The following INPP4B variants were observed in gnomAD, a reference collection of about 807,000 sequenced individuals.
INPP4B encodes inositol polyphosphate-4-phosphatase type II B.
Under a neutral mutation model 122.5 loss-of-function variants are expected in INPP4B, and 55 were observed. The observed-to-expected ratio is 0.45, with a 90% CI of 0.36 to 0.56. INPP4B has a LOEUF of 0.56. INPP4B is among the 20% of genes least tolerant of loss of function. The pLI is 0.00. For synonymous variants in INPP4B, 403 were observed against 388.7 expected (o/e 1.04, Z -0.43); for missense variants, 1,000 against 1,097.7 (o/e 0.91, Z 1.26).
chr4:142,825,508 A>T (rs1781350258), intron 1 of INPP4B, among the ~76,000 whole-genome samples: 1 of 152,166 alleles, frequency 6.6e-6, no homozygotes, highest in Admixed American at 6.6e-5. Context: ...ATATCATTGA[A>T]AATCAAACAG....
chr4:142,071,924 T>C (rs1767642664), intron 25 of INPP4B, among the ~76,000 whole-genome samples: 1 of 152,164 alleles, frequency 6.6e-6, no homozygotes, highest in Non-Finnish European at 1.5e-5. Context: ...TGGAAGACAG[T>C]GTGGTGATTC....
chr4:142,250,613 A>G (rs1402679002), intron 11 of INPP4B, among the ~76,000 whole-genome samples: 1 of 152,240 alleles, frequency 6.6e-6, no homozygotes, highest in Non-Finnish European at 1.5e-5. Context: ...TGCACAATGC[A>G]CCTTTATATT....
chr4:142,107,644 T>C (rs566015556), intron 23 of INPP4B, among the ~76,000 whole-genome samples: 3 of 152,286 alleles, frequency 2.0e-5, no homozygotes, highest in South Asian at 4.1e-4. Context: ...AGTTCCCTCA[T>C]TCACATTGAC....
At chr4:142,424,846 G>A (rs1243443411) in intron 5 of INPP4B, among the ~76,000 whole-genome samples, 4 of 151,812 alleles carry the variant, frequency 2.6e-5, no homozygotes, top group Non-Finnish European at 4.4e-5. Flanking sequence ...TATGATGGAT[G>A]GCCACATTCT....
chr4:142,089,085 T>C (rs1778199371), intron 23 of INPP4B, among the ~76,000 whole-genome samples: 2 of 152,136 alleles, frequency 1.3e-5, no homozygotes, highest in Admixed American at 6.5e-5. Flanking sequence ...AAACACGGAG[T>C]GTGCAGTTCA....
intron 2 of INPP4B, among the ~76,000 whole-genome samples, chr4:142,652,888 A>G (rs1359535752): frequency 6.6e-6 from 1 of 152,248 alleles, no homozygotes; most frequent in Non-Finnish European, 1.5e-5. Flanking sequence ...GAACCAAAAA[A>G]GAGCCTGCAT....
chr4:142,084,366 G>T (rs532367536), intron 24 of INPP4B, among the ~76,000 whole-genome samples: 1 of 151,942 alleles, frequency 6.6e-6, no homozygotes, highest in Non-Finnish European at 1.5e-5. Flanking sequence ...TGATCCGCCC[G>T]CCTCGGCCCC....
At chr4:142,427,859 C>G (rs1046130051) in intron 5 of INPP4B, among the ~76,000 whole-genome samples, 1 of 151,848 alleles carries the variant, frequency 6.6e-6, no homozygotes, top group Admixed American at 6.6e-5. Flanking sequence ...GAGTGCCTAG[C>G]CTTTCTTTTG....
At chr4:142,603,778 C>T (rs1003476117) in intron 2 of INPP4B, among the ~76,000 whole-genome samples, 1 of 151,940 alleles carries the variant, frequency 6.6e-6, no homozygotes, top group Admixed American at 6.6e-5. Context: ...TAATATTCTA[C>T]AAAATATATA....
intron 1 of INPP4B, among the ~76,000 whole-genome samples, chr4:142,730,790 A>T (rs1040498430): frequency 6.6e-6 from 1 of 152,140 alleles, no homozygotes; most frequent in Non-Finnish European, 1.5e-5. Flanking sequence ...GCTAAACTCA[A>T]TGATCAGCAT....
intron 3 of INPP4B, among the ~76,000 whole-genome samples, chr4:142,441,944 T>C (rs1371948183): frequency 1.3e-5 from 2 of 150,716 alleles, no homozygotes; most frequent in East Asian, 3.9e-4. Flanking sequence ...AAAATCCAGG[T>C]GGTACAATCC....
chr4:142,442,050 A>G (rs1219752285), intron 3 of INPP4B, among the ~76,000 whole-genome samples: 1 of 152,176 alleles, frequency 6.6e-6, no homozygotes, highest in African/African-American at 2.4e-5. Context: ...CTTAAATAAA[A>G]AAGCATATTT....
intron 2 of INPP4B, among the ~76,000 whole-genome samples, chr4:142,613,152 CT>C (rs1232331536): frequency 2.0e-5 from 3 of 152,154 alleles, no homozygotes; most frequent in African/African-American, 7.2e-5. Flanking sequence ...GCTTTTCTCC[CT>C]GATGATCAGA....
chr4:142,091,445 T>C (rs553157069), intron 23 of INPP4B, among the ~76,000 whole-genome samples: 1 of 152,338 alleles, frequency 6.6e-6, no homozygotes, highest in South Asian at 2.1e-4. Flanking sequence ...AAGGCTACAT[T>C]ATTAAATTCT....
chr4:142,650,895 C>T (rs927240603), intron 2 of INPP4B, among the ~76,000 whole-genome samples: 1 of 152,284 alleles, frequency 6.6e-6, no homozygotes, highest in South Asian at 2.1e-4. Context: ...CAGAACTCTC[C>T]AGCCCAAATC....
chr4:142,116,773 C>A (rs1793733070), intron 21 of INPP4B, among the ~76,000 whole-genome samples: 1 of 152,022 alleles, frequency 6.6e-6, no homozygotes, highest in African/African-American at 2.4e-5. Flanking sequence ...AGAGCAAACA[C>A]ATTCAAAAGC....
chr4:142,767,149 G>T (rs185952719), intron 1 of INPP4B, among the ~76,000 whole-genome samples: 3 of 152,238 alleles, frequency 2.0e-5, no homozygotes, highest in Non-Finnish European at 2.9e-5. Flanking sequence ...TAAAAATGGA[G>T]CTTTTGAAAG....
At chr4:142,418,704 T>G (rs1316495789) in intron 5 of INPP4B, among the ~76,000 whole-genome samples, 1 of 151,964 alleles carries the variant, frequency 6.6e-6, no homozygotes, top group Non-Finnish European at 1.5e-5. Context: ...TGATAGAGAG[T>G]GAGCTAGAAA....
chr4:142,726,455 A>G (rs1440829793), intron 1 of INPP4B, among the ~76,000 whole-genome samples: 1 of 152,214 alleles, frequency 6.6e-6, no homozygotes, highest in Non-Finnish European at 1.5e-5. Context: ...GAGCTTTTCT[A>G]TGCTGCAACA....
Sources: allele counts gnomAD v4.1 joint callset (sites outside exome capture counted in the v4.1 genomes callset), GRCh38; gene constraint gnomAD v4.1.1; transcripts MANE v1.5; gene names NCBI Gene and HGNC (gene_info 2026-07-23, HGNC 2026-07-21).